The following BEND2 variants were observed in gnomAD, a reference collection of about 807,000 sequenced individuals.
BEND2 encodes BEN domain containing 2, also known as BEN domain-containing protein 2.
BEND2 carries 19 observed loss-of-function variants against 43.8 expected under a neutral mutation model. That is an observed-to-expected ratio of 0.43 (90% confidence interval 0.30 to 0.64). BEND2 has a LOEUF of 0.64. Ranked by LOEUF, BEND2 falls within the 30% of genes least tolerant of loss-of-function variation. BEND2 has a pLI of 0.11. For missense variants in BEND2, 544 were observed against 574.0 expected, an observed-to-expected ratio of 0.95 and a Z score of 0.53; for synonymous variants, 226 against 210.1, an observed-to-expected ratio of 1.08 and a Z score of -0.66.
At chrX:18,184,479 C>CT (rs912575417) in intron 8 of BEND2, among the ~76,000 whole-genome samples, 8 of 111,642 alleles carry the variant, frequency 7.2e-5, no homozygotes, top group African/African-American at 2.6e-4. Context: ...GAGACTCCGT[C>CT]TCAAAAAAAG....
intron 4 of BEND2, among the ~76,000 whole-genome samples, chrX:18,210,190 T>C (rs1007921294): frequency 9.0e-6 from 1 of 110,887 alleles, no homozygotes; most frequent in Non-Finnish European, 1.9e-5. Flanking sequence ...AGTAATTCTG[T>C]AGTATATATG....
intron 8 of BEND2, among the ~76,000 whole-genome samples, chrX:18,190,568 T>C (rs1924731893): frequency 9.0e-6 from 1 of 111,229 alleles, no homozygotes; most frequent in South Asian, 3.8e-4. Context: ...CTAGTAGTTG[T>C]ATGGAATAAA....
At chrX:18,175,558 A>G (rs1924117708) in intron 11 of BEND2, among the ~76,000 whole-genome samples, 1 of 111,974 alleles carries the variant, frequency 8.9e-6, no homozygotes. Flanking sequence ...CATCATCACT[A>G]AAAGTGAACA....
chrX:18,189,412 A>C, intron 8 of BEND2, among the ~76,000 whole-genome samples: 1 of 110,484 alleles, frequency 9.1e-6, no homozygotes, highest in Middle Eastern at 4.6e-3. Context: ...TGGGAGGCTG[A>C]GTTGGGAGGA....
intron 2 of BEND2, 90 bp downstream of exon 2, chrX:18,216,431 C>T: frequency 6.1e-6 from 5 of 814,187 alleles, no homozygotes; most frequent in South Asian, 2.2e-5. Flanking sequence ...TAACTAATTA[C>T]TGTAAAGGTT....
intron 11 of BEND2, 51 bp downstream of exon 11, chrX:18,175,921 A>G: frequency 9.1e-7 from 1 of 1,097,666 alleles, no homozygotes; most frequent in Non-Finnish European, 1.2e-6. Context: ...GAAACTGTAC[A>G]CAGTACAAAC....
At chrX:18,208,934 G>A (rs1461064875) in intron 4 of BEND2, among the ~76,000 whole-genome samples, 1 of 110,673 alleles carries the variant, frequency 9.0e-6, no homozygotes, top group Non-Finnish European at 1.9e-5. Flanking sequence ...TAAAGGAACC[G>A]GGGCTCCTTA....
chrX:18,174,332 C>G (rs1407849294), intron 11 of BEND2, 74 bp from the exon 12 acceptor site: 1 of 930,798 alleles, frequency 1.1e-6, no homozygotes, highest in African/African-American at 2.0e-5. Flanking sequence ...TACCACCTAC[C>G]AGGCCCACCA....
At position 18,163,601 on chromosome X, in the gene BEND2, T is replaced by C. The variant is rs558580853; in HGVS notation, c.*1408A>G. 4 of 112,253 alleles carry C rather than the reference T, an allele frequency of 3.6e-5. No homozygotes were observed. Among genetic ancestry groups the C allele is most frequent in the African/African-American group, 1.3e-4 (4 of 30,956 alleles). 9.3% of individuals were successfully genotyped at this position (112,253 alleles called of 1,213,427 possible). A position where few individuals can be genotyped will look rare whatever the true frequency, so the allele number is the denominator to read the frequency against. ...ACCACTAATGTAATAAAGTTAGCAA[T>C]AGAAGTCTTGAAATTTTTTTCTAAA... On this transcript the variant is annotated 3_prime_UTR_variant, in exon 14 of 14. Transcript: ENST00000380033.
chrX:18,196,601 G>A (rs1257958162), intron 6 of BEND2, among the ~76,000 whole-genome samples: 2 of 105,006 alleles, frequency 1.9e-5, no homozygotes, highest in Non-Finnish European at 3.9e-5. Context: ...AACAACTATT[G>A]TATATCCAAA....
intron 6 of BEND2, among the ~76,000 whole-genome samples, chrX:18,197,501 C>T (rs771434163): frequency 1.3e-4 from 14 of 111,680 alleles, no homozygotes; most frequent in African/African-American, 3.2e-4. Flanking sequence ...GGATGTTGAT[C>T]GATCCGGATT....
At chrX:18,175,510 C>T (rs917436101) in intron 11 of BEND2, among the ~76,000 whole-genome samples, 8 of 111,810 alleles carry the variant, frequency 7.2e-5, no homozygotes, top group East Asian at 2.8e-4. Flanking sequence ...TATCTGTAAT[C>T]GTTTAACGTC....
intron 12 of BEND2, 43 bp downstream of exon 12, chrX:18,173,987 A>T: frequency 9.2e-7 from 1 of 1,083,452 alleles, no homozygotes; most frequent in Non-Finnish European, 1.3e-6. Flanking sequence ...AACATTTATC[A>T]GCAAGAGAAC....
Position 18,216,472 on chromosome X carries a change from G to A in BEND2, c.238+49C>T, listed in dbSNP as rs749231648. 1.1e-5 allele frequency: 12 copies of A among 1,065,810 alleles called. No homozygotes were observed. In the South Asian group the frequency reaches 2.2e-4, roughly 20 times the overall value. 87.8% of individuals were successfully genotyped at this position (1,065,810 alleles called of 1,213,427 possible). On this transcript the variant is annotated intron_variant, in intron 2 of 13. Transcript: ENST00000380033. ...AATATTTAAGCAATTTACTGGAAAT[G>A]GGGACCAGAGAGTAAAATTTTGCCA...
At position 18,203,924 on chromosome X, in the gene BEND2, G is replaced by C. The variant is rs1286000324; in HGVS notation, c.493-9C>G. 8.6e-7 allele frequency: 1 copy of C among 1,166,323 alleles called. No individual in the cohort carries two copies. The highest frequency in any genetic ancestry group is 3.0e-5 in the East Asian group (1 of 33,114). ...GATATGCTAGACTGTACCTATCCAG[G>C]GTAAGAGAACAGAATGAGTAAAGTT... On this transcript the variant is annotated splice_polypyrimidine_tract_variant and intron_variant, in intron 4 of 13. Transcript: ENST00000380033.
At chrX:18,196,067 G>A (rs1334146959) in intron 6 of BEND2, among the ~76,000 whole-genome samples, 1 of 111,518 alleles carries the variant, frequency 9.0e-6, no homozygotes, top group African/African-American at 3.3e-5. Context: ...GGGAGGCCGA[G>A]GTGGGCGGAT....
At chrX:18,183,438 G>A (rs1047761228) in intron 8 of BEND2, among the ~76,000 whole-genome samples, 2 of 112,550 alleles carry the variant, frequency 1.8e-5, no homozygotes, top group Non-Finnish European at 3.7e-5. Context: ...TTCGGAGCTA[G>A]ATGGCTAAAT....
At chrX:18,169,201 A>T (rs1381136930) in intron 13 of BEND2, among the ~76,000 whole-genome samples, 2 of 111,469 alleles carry the variant, frequency 1.8e-5, no homozygotes, top group Non-Finnish European at 3.8e-5. Context: ...ATTATATATT[A>T]TTTATGGATC....
chrX:18,213,647 C>T (rs1162552397), intron 3 of BEND2, 127 bp downstream of exon 3: 1 of 113,891 alleles, frequency 8.8e-6, no homozygotes, highest in Non-Finnish European at 1.8e-5. Flanking sequence ...CCCGGTGGCT[C>T]ACACCTGTAA....
Sources: gnomAD v4.1 joint callset for allele counts (sites outside exome capture counted in the v4.1 genomes callset) on GRCh38, gnomAD v4.1.1 for gene constraint, MANE v1.5 for transcripts, NCBI Gene and HGNC (gene_info 2026-07-23, HGNC 2026-07-21) for gene names.